The following TDRD6 variants were observed in gnomAD, a reference collection of about 807,000 sequenced individuals.
TDRD6 encodes tudor domain-containing protein 6.
A neutral mutation model predicts 157.5 loss-of-function variants in TDRD6; 186 were observed. The observed-to-expected ratio is 1.18, with a 90% confidence interval of 1.05 to 1.33. The LOEUF (loss-of-function observed/expected upper bound fraction) is 1.33, where lower values mean the gene tolerates loss of function less well. TDRD6 is among the 40% of genes most tolerant of loss of function. The probability of loss-of-function intolerance (pLI) is 0.00; values close to 1 mark genes in which losing one functional copy is unlikely to be tolerated. For synonymous variants in TDRD6, 1,075 were observed against 945.2 expected, an observed-to-expected ratio of 1.14 and a Z score of -2.52; for missense variants, 3,066 against 2,508.0, an observed-to-expected ratio of 1.22 and a Z score of -4.75.
upstream of TDRD6, among the ~76,000 whole-genome samples, chr6:46,685,612 G>A (rs1399060446): frequency 6.6e-6 from 1 of 152,058 alleles, no homozygotes; most frequent in African/African-American, 2.4e-5. Context: ...ACCGGGGCCT[G>A]TCAAGGGGTG....
chr6:46,697,095 C>T (rs1764520971), intron 2 of TDRD6, among the ~76,000 whole-genome samples: 3 of 152,010 alleles, frequency 2.0e-5, no homozygotes, highest in Admixed American at 2.0e-4. Flanking sequence ...TGTTTATGTA[C>T]TCTCTTTGGC....
rs1764639169 is a variant in TDRD6 at position 46,702,020 on chromosome 6, A to C, written c.*133A>C. ...GAAGTTGTCATTTTCAAAAACTTCT[A>C]TATAGGTGGAAAACAAATTAGGTCT... On this transcript the variant is annotated 3_prime_UTR_variant, in exon 4 of 4. Coordinates refer to ENST00000316081, the MANE Select transcript of TDRD6 (RefSeq NM_001010870.3). 1 of 1,004,016 alleles carries C rather than the reference A, an allele frequency of 1.0e-6. No homozygotes were observed. Among genetic ancestry groups the C allele is most frequent in the Non-Finnish European group, 1.5e-6 (1 of 665,886 alleles). 62.2% of individuals were successfully genotyped at this position (1,004,016 alleles called of 1,614,324 possible).
Position 46,698,052 on chromosome 6 carries a change from A to T in TDRD6, c.6226A>T (p.Asn2076Tyr), listed in dbSNP as rs1296578468. The T allele has an allele frequency of 6.2e-7, 1 of 1,610,780 alleles. No individual in the cohort carries two copies. Among genetic ancestry groups the T allele is most frequent in the Non-Finnish European group, 8.5e-7 (1 of 1,177,900 alleles). The change falls in exon 3 of 4, where the codon AAT (asparagine) becomes TAT (tyrosine). Residue 2076 changes from asparagine to tyrosine, a missense_variant. Asn to Tyr is a moderately radical substitution (Grantham distance 143). Coordinates refer to ENST00000316081, the MANE Select transcript of TDRD6 (RefSeq NM_001010870.3). ...EEIVNPENVW[N>Y]GIPKLDKSPP... ...GATAGTGAACCCTGAGAATGTCTGG[A>T]ATGGCATACCCAAATTGGATAAGAG...
Position 46,690,781 on chromosome 6 carries a change from T to A in TDRD6, c.2653T>A (p.Tyr885Asn). The A allele has an allele frequency of 6.2e-7, 1 of 1,614,156 alleles. No individual in the cohort carries two copies. Among genetic ancestry groups the A allele is most frequent in the Non-Finnish European group, 8.5e-7 (1 of 1,180,018 alleles). Residue 885 changes from tyrosine (Y) to asparagine (N), a missense_variant, in exon 1 of 4, where the codon TAT becomes AAT. Tyr to Asn is a moderately radical substitution (Grantham distance 143). Transcript: ENST00000316081. ...VKAQAFRCSL[Y>N]NLIQPVGQNP... ...GGCACAGGCTTTTAGGTGCAGTCTT[T>A]ATAATTTAATTCAACCAGTTGGCCA...
At position 46,693,008 on chromosome 6, in the gene TDRD6, T is replaced by C; in HGVS notation, c.4880T>C (p.Val1627Ala). The C allele has an allele frequency of 6.2e-7, 1 of 1,612,882 alleles. No homozygotes were observed. Residue 1627 changes from valine to alanine, a missense_variant, in exon 1 of 4, where the codon GTT becomes GCT. By Grantham distance (64) the Val-to-Ala change is moderately conservative. Transcript: ENST00000316081. ...LWAIPSELLS[V>A]PMQAFPCCLS... ...GCCATTCCTTCTGAACTTCTGTCGG[T>C]TCCCATGCAAGCCTTTCCATGTTGC... is the stretch of plus-strand genomic sequence containing the variant.
the TDRD6 span, among the ~76,000 whole-genome samples, chr6:46,680,840 C>T: frequency 6.6e-6 from 1 of 152,118 alleles, no homozygotes; most frequent in South Asian, 2.1e-4. Context: ...TACCTTTCTT[C>T]CCACCACCAC....
rs760377457 is a variant in TDRD6 at position 46,690,259 on chromosome 6, AAG to A, written c.2139_2140del (p.Asn714Ter). The A allele has an allele frequency of 3.7e-6, 6 of 1,613,698 alleles. No homozygotes were observed. The highest frequency in any genetic ancestry group is 3.3e-5 in the South Asian group (3 of 91,080). On this transcript the variant is annotated frameshift_variant, in exon 1 of 4. Coordinates refer to ENST00000316081, the MANE Select transcript of TDRD6 (RefSeq NM_001010870.3). LOFTEE classifies it high-confidence loss of function. ...GACTGGAGAAGGAGAGCAGAAAGCC[AAG>A]AGAGAGAATAAAACCACATCTGTTT... ...AKTGEGEQKAKRENKTTSVSK... is the reference protein window; with the variant it reads ...AKTGEGEQKAXRENKTTSVSK...
At chr6:46,700,787 T>C (rs903315689) in intron 3 of TDRD6, among the ~76,000 whole-genome samples, 6 of 152,154 alleles carry the variant, frequency 3.9e-5, no homozygotes, top group Non-Finnish European at 8.8e-5. Context: ...TGTAGAGTGC[T>C]CCAGGGATAT....
At position 46,693,028 on chromosome 6, in the gene TDRD6, T is replaced by C. The variant is rs747358296; in HGVS notation, c.4900T>C (p.Cys1634Arg). ...GTCGGTTCCCATGCAAGCCTTTCCATGTTGCCTCTCAGGGTTTAACATTTC... is the reference window on the plus strand; with the variant it reads ...GTCGGTTCCCATGCAAGCCTTTCCACGTTGCCTCTCAGGGTTTAACATTTC... Reference protein sequence around the residue: ...LLSVPMQAFPCCLSGFNISEG... With the variant: ...LLSVPMQAFPRCLSGFNISEG... Residue 1634 changes from cysteine (C) to arginine (R), a missense_variant, in exon 1 of 4, where the codon TGT becomes CGT. Physicochemically the swap from Cys to Arg is radical, Grantham distance 180. Transcript: ENST00000316081. The C allele has an allele frequency of 1.9e-6, 3 of 1,613,524 alleles. No individual in the cohort carries two copies. Among genetic ancestry groups the C allele is most frequent in the Non-Finnish European group, 2.5e-6 (3 of 1,179,762 alleles).
intron 1 of TDRD6, 108 bp from the exon 2 acceptor site, chr6:46,695,713 A>T: frequency 1.8e-6 from 2 of 1,117,164 alleles, no homozygotes; most frequent in East Asian, 2.6e-5. Context: ...TAATTACATG[A>T]TATTGATGAT....
chr6:46,703,846 T>C lies in TDRD6; in HGVS notation c.*1959T>C, dbSNP rs1441392030. On this transcript the variant is annotated 3_prime_UTR_variant, in exon 4 of 4. Transcript: ENST00000316081. Reference sequence around the variant, plus strand: ...TAACTGGAATCCCTGCTATATGCTGTAATACCTGTGGAACCTTTCTTTAGC... The same window carrying C: ...TAACTGGAATCCCTGCTATATGCTGCAATACCTGTGGAACCTTTCTTTAGC... 1 of 152,244 alleles carries C rather than the reference T, an allele frequency of 6.6e-6. No individual in the cohort carries two copies. Among genetic ancestry groups the C allele is most frequent in the Non-Finnish European group, 1.5e-5 (1 of 68,052 alleles). 9.4% of individuals were successfully genotyped at this position (152,244 alleles called of 1,614,324 possible). A position where few individuals can be genotyped will look rare whatever the true frequency, so the allele number is the denominator to read the frequency against.
At chr6:46,682,373 G>A in the TDRD6 span, among the ~76,000 whole-genome samples, 3 of 151,914 alleles carry the variant, frequency 2.0e-5, no homozygotes, top group African/African-American at 7.2e-5. Flanking sequence ...AAGGATCTAA[G>A]TAAAACCTGT....
upstream of TDRD6, among the ~76,000 whole-genome samples, chr6:46,685,031 T>G (rs970951295): frequency 6.7e-6 from 1 of 149,772 alleles, no homozygotes; most frequent in Non-Finnish European, 1.5e-5. Context: ...TTTTTTTTTG[T>G]CTAATAGCTA....
In TDRD6 at chr6:46,689,562, A is replaced by G. The variant is rs754792397; in HGVS notation, c.1434A>G (p.Leu478=). The change falls in exon 1 of 4, where the codon TTA becomes TTG. Residue 478 remains leucine (L), a synonymous_variant. Coordinates refer to ENST00000316081, the MANE Select transcript of TDRD6 (RefSeq NM_001010870.3). ...ATGAAGAGATTTCACTCCCAGCCTT[A>G]AGATCTATCAGGTTAAAGATGAATG... ...EVDEEISLPA[L]RSIRLKMNAF... is the part of the protein sequence containing the mutation. 6 of 1,614,180 alleles carry G rather than the reference A, an allele frequency of 3.7e-6. No homozygotes were observed. The highest frequency in any genetic ancestry group is 5.1e-6 in the Non-Finnish European group (6 of 1,180,028).
rs772286906 is a variant in TDRD6 at position 46,689,657 on chromosome 6, A to G, written c.1529A>G (p.Asn510Ser). The G allele has an allele frequency of 3.5e-5, 56 of 1,614,100 alleles. No homozygotes were observed. In the East Asian group the frequency reaches 9.1e-4, roughly 26 times the overall value. Residue 510 changes from asparagine to serine, a missense_variant, in exon 1 of 4, where the codon AAT becomes AGT. Transcript: ENST00000316081. ...TTTTGGATTAGGTTGAGGAAACACA[A>G]TGTCACCTTCAGTAAGCTGATGAGG... Reference protein sequence around the residue: ...SEFWIRLRKHNVTFSKLMRRM... With the variant: ...SEFWIRLRKHSVTFSKLMRRM...
Position 46,689,623 on chromosome 6 carries a change from C to T in TDRD6, c.1495C>T (p.Pro499Ser), listed in dbSNP as rs1227793460. 1.9e-6 allele frequency: 3 copies of T among 1,614,146 alleles called. No homozygotes were observed. Among genetic ancestry groups the T allele is most frequent in the South Asian group, 1.1e-5 (1 of 91,084 alleles). ...YDAQVEFVKN[P>S]SEFWIRLRKH... ...TGCGCAGGTAGAGTTTGTTAAAAAT[C>T]CTTCTGAGTTTTGGATTAGGTTGAG... The change falls in exon 1 of 4, where the codon CCT becomes TCT. Residue 499 changes from proline to serine, a missense_variant. Coordinates refer to ENST00000316081, the MANE Select transcript of TDRD6 (RefSeq NM_001010870.3).
chr6:46,689,876 T>A lies in TDRD6; in HGVS notation c.1748T>A (p.Val583Glu). The A allele has an allele frequency of 6.2e-7, 1 of 1,614,192 alleles. No individual in the cohort carries two copies. Among genetic ancestry groups the A allele is most frequent in the Non-Finnish European group, 8.5e-7 (1 of 1,180,030 alleles). The change falls in exon 1 of 4, where the codon GTA becomes GAA. Residue 583 changes from valine (V) to glutamate (E), a missense_variant. Physicochemically the swap from Val to Glu is moderately radical, Grantham distance 121 (BLOSUM62 -2). Transcript: ENST00000316081. ...GNSENVDWYDVRMLLPQFRQL... is the reference protein window; with the variant it reads ...GNSENVDWYDERMLLPQFRQL... The stretch of plus-strand genomic sequence containing the variant: ...TCGGAAAATGTGGACTGGTATGACG[T>A]AAGGATGCTGCTTCCTCAGTTTAGG...
At position 46,692,904 on chromosome 6, in the gene TDRD6, T is replaced by C. The variant is rs757949848; in HGVS notation, c.4776T>C (p.Ile1592=). 1 of 1,614,112 alleles carries C rather than the reference T, an allele frequency of 6.2e-7. No homozygotes were observed. Among genetic ancestry groups the C allele is most frequent in the Non-Finnish European group, 8.5e-7 (1 of 1,180,006 alleles). Residue 1592 remains isoleucine, a synonymous_variant, in exon 1 of 4, where the codon ATT becomes ATC. Transcript: ENST00000316081. ...ATTATAGGGCACTTATCACTAATATTTGTGAAGATTATCTTGTATCTGTCA... is the reference window on the plus strand; with the variant it reads ...ATTATAGGGCACTTATCACTAATATCTGTGAAGATTATCTTGTATCTGTCA... ...GHYYRALITN[I]CEDYLVSVRL... is the part of the protein sequence containing the mutation.
At chr6:46,696,015 G>C (rs1764485403) in intron 2 of TDRD6, 70 bp downstream of exon 2, 3 of 1,534,904 alleles carry the variant, frequency 2.0e-6, no homozygotes, top group African/African-American at 1.4e-5. Flanking sequence ...ACCAGACTCT[G>C]TCAGACTAGA....
Sources: allele counts gnomAD v4.1 joint callset (sites outside exome capture counted in the v4.1 genomes callset), GRCh38; gene constraint gnomAD v4.1.1; transcripts MANE v1.5; gene names NCBI Gene and HGNC (gene_info 2026-07-23, HGNC 2026-07-21).